GRIA4: variants seen among roughly 807,000 people sequenced by gnomAD.
The protein encoded by GRIA4 is glutamate ionotropic receptor AMPA type subunit 4.
Under a neutral mutation model 104.0 loss-of-function variants are expected in GRIA4, and 34 were observed. That is an observed-to-expected ratio of 0.33 (90% CI 0.25 to 0.44). GRIA4 has a LOEUF of 0.44. Ranked by LOEUF, GRIA4 falls within the 20% of genes least tolerant of loss-of-function variation. GRIA4 has a pLI of 1.00. For missense variants in GRIA4, 750 were observed against 1,096.5 expected (o/e 0.68, Z 4.46); for synonymous variants, 386 against 381.9 (o/e 1.01, Z -0.13).
At chr11:105,735,449 T>C (rs910980411) in intron 3 of GRIA4, among the ~76,000 whole-genome samples, 1 of 152,130 alleles carries the variant, frequency 6.6e-6, no homozygotes, top group Non-Finnish European at 1.5e-5. Flanking sequence ...ACTCTCTGGG[T>C]GCAACAATTT....
At chr11:105,730,039 G>T (rs752528147) in intron 3 of GRIA4, among the ~76,000 whole-genome samples, 4 of 152,110 alleles carry the variant, frequency 2.6e-5, no homozygotes, top group Non-Finnish European at 5.9e-5. Flanking sequence ...GGGCAATCAG[G>T]CAAGAGAAAG....
rs1859215678 is a variant in GRIA4, at chr11:105,980,503, A to C, written c.*764A>C. The C allele has an allele frequency of 6.6e-6, 1 of 152,596 alleles. No individual in the cohort carries two copies. The highest frequency in any genetic ancestry group is 1.5e-5 in the Non-Finnish European group (1 of 68,036). 9.5% of individuals were successfully genotyped at this position (152,596 alleles called of 1,614,324 possible). On this transcript the variant is annotated 3_prime_UTR_variant, in exon 17 of 17. Transcript: ENST00000282499. ...GCTGTAACCTTCACTATGTCACATGAGTCGATTCACCGATTGCATTTGTCT... is the reference window on the plus strand; with the variant it reads ...GCTGTAACCTTCACTATGTCACATGCGTCGATTCACCGATTGCATTTGTCT...
At chr11:105,876,891 T>C (rs1039359006) in intron 5 of GRIA4, among the ~76,000 whole-genome samples, 2 of 152,222 alleles carry the variant, frequency 1.3e-5, no homozygotes, top group Non-Finnish European at 1.5e-5. Context: ...TGTCTTTTAA[T>C]TGGGGCATTT....
intron 5 of GRIA4, among the ~76,000 whole-genome samples, chr11:105,867,916 G>T (rs1196819728): frequency 1.3e-5 from 2 of 152,160 alleles, no homozygotes; most frequent in Non-Finnish European, 2.9e-5. Context: ...CTCTGCACTT[G>T]ACACCTCATA....
At chr11:105,845,620 C>T (rs867952384) in intron 4 of GRIA4, among the ~76,000 whole-genome samples, 4 of 152,144 alleles carry the variant, frequency 2.6e-5, no homozygotes, top group East Asian at 1.9e-4. Context: ...CGGTGGCTCA[C>T]GCCTGTAAGT....
At chr11:105,626,526 A>G (rs920812635) in intron 3 of GRIA4, among the ~76,000 whole-genome samples, 19 of 152,192 alleles carry the variant, frequency 1.2e-4, no homozygotes, top group African/African-American at 4.6e-4. Context: ...AAGCCTTTGA[A>G]AATCAATTTG....
chr11:105,739,872 A>C (rs1157291475), intron 3 of GRIA4, among the ~76,000 whole-genome samples: 1 of 152,230 alleles, frequency 6.6e-6, no homozygotes, highest in African/African-American at 2.4e-5. Context: ...CAGCATTCTG[A>C]AAATCAACAG....
At chr11:105,919,347 C>T (rs1385318849) in intron 11 of GRIA4, among the ~76,000 whole-genome samples, 2 of 152,112 alleles carry the variant, frequency 1.3e-5, no homozygotes, top group Non-Finnish European at 2.9e-5. Context: ...TTTGTAATTA[C>T]TCATAGATAT....
chr11:105,645,962 G>A (rs1951515636), intron 3 of GRIA4, among the ~76,000 whole-genome samples: 1 of 152,086 alleles, frequency 6.6e-6, no homozygotes, highest in Non-Finnish European at 1.5e-5. Context: ...TTTCCTAGAA[G>A]CCATGAAGGA....
At chr11:105,680,511 T>C (rs939934144) in intron 3 of GRIA4, among the ~76,000 whole-genome samples, 2 of 152,104 alleles carry the variant, frequency 1.3e-5, no homozygotes, top group African/African-American at 4.8e-5. Flanking sequence ...AAGAACATAG[T>C]AAGACTAGTG....
intron 3 of GRIA4, among the ~76,000 whole-genome samples, chr11:105,691,703 G>T (rs895805523): frequency 3.3e-5 from 5 of 152,064 alleles, no homozygotes; most frequent in African/African-American, 1.2e-4. Context: ...TTGAGAGGCC[G>T]AGGTGGGCGA....
chr11:105,808,683 T>C (rs1020103309), intron 4 of GRIA4, among the ~76,000 whole-genome samples: 2 of 152,024 alleles, frequency 1.3e-5, no homozygotes, highest in African/African-American at 2.4e-5. Context: ...GTCCATCTTC[T>C]CCCTAAATAT....
intron 16 of GRIA4, among the ~76,000 whole-genome samples, chr11:105,978,287 T>A (rs546092706): frequency 2.6e-5 from 4 of 152,176 alleles, no homozygotes; most frequent in Admixed American, 2.6e-4. Context: ...AGTGTTGTTT[T>A]TCTCTAAAAT....
intron 5 of GRIA4, among the ~76,000 whole-genome samples, chr11:105,871,768 A>G (rs1945625201): frequency 6.6e-6 from 1 of 152,080 alleles, no homozygotes; most frequent in African/African-American, 2.4e-5. Flanking sequence ...CATGTCAAAT[A>G]TAATTTAAAA....
chr11:105,928,163 A>G (rs181532009), intron 13 of GRIA4, among the ~76,000 whole-genome samples: 1 of 152,148 alleles, frequency 6.6e-6, no homozygotes, highest in Non-Finnish European at 1.5e-5. Flanking sequence ...ATTTGATTAT[A>G]GTATCCTAAT....
chr11:105,776,915 T>C (rs1941475138), intron 4 of GRIA4, among the ~76,000 whole-genome samples: 1 of 152,224 alleles, frequency 6.6e-6, no homozygotes, highest in African/African-American at 2.4e-5. Flanking sequence ...GCATTTTGGA[T>C]AAACCTATAC....
At chr11:105,882,415 T>C (rs1946099831) in intron 5 of GRIA4, among the ~76,000 whole-genome samples, 1 of 152,178 alleles carries the variant, frequency 6.6e-6, no homozygotes, top group Non-Finnish European at 1.5e-5. Flanking sequence ...TCCTGAGTAC[T>C]TTATAAACTA....
chr11:105,677,148 G>T (rs1161726553), intron 3 of GRIA4, among the ~76,000 whole-genome samples: 2 of 151,736 alleles, frequency 1.3e-5, no homozygotes, highest in Non-Finnish European at 3.0e-5. Context: ...ACAACCAAGT[G>T]ATCCATTTTT....
chr11:105,919,468 T>C (rs1391562259), intron 11 of GRIA4, among the ~76,000 whole-genome samples: 1 of 152,156 alleles, frequency 6.6e-6, no homozygotes, highest in African/African-American at 2.4e-5. Context: ...TTAAACTTTA[T>C]GCAGTGCCAT....
Sources: allele counts gnomAD v4.1 joint callset (sites outside exome capture counted in the v4.1 genomes callset), GRCh38; gene constraint gnomAD v4.1.1; transcripts MANE v1.5; gene names NCBI Gene and HGNC (gene_info 2026-07-23, HGNC 2026-07-21).